Variants in DIAPH2 observed in about 807,000 individuals in gnomAD.
The protein encoded by DIAPH2 is diaphanous related formin 2.
Under a neutral mutation model 92.7 loss-of-function variants are expected in DIAPH2, and 35 were observed. That is an observed-to-expected ratio of 0.38 (90% CI 0.29 to 0.50). The LOEUF is 0.50. Ranked by LOEUF, DIAPH2 falls within the 20% of genes least tolerant of loss-of-function variation. The pLI, the probability that DIAPH2 is intolerant of heterozygous loss-of-function variation, is 0.94. For synonymous variants in DIAPH2, 301 were observed against 280.4 expected, an observed-to-expected ratio of 1.07 and a Z score of -0.73; for missense variants, 701 against 819.5, an observed-to-expected ratio of 0.86 and a Z score of 1.77.
intron 17 of DIAPH2, among the ~76,000 whole-genome samples, chrX:97,009,967 C>T (rs1305496266): frequency 1.8e-5 from 2 of 111,791 alleles, no homozygotes; most frequent in Admixed American, 9.5e-5. Flanking sequence ...TATATGCCCC[C>T]AACCAAGTCC....
chrX:96,822,253 AAAT>A (rs774808456), intron 4 of DIAPH2, among the ~76,000 whole-genome samples: 130 of 111,906 alleles, frequency 1.2e-3, no homozygotes, highest in African/African-American at 4.0e-3. Context: ...AAAAATATGA[AAAT>A]AATTATTATG....
chrX:97,251,642 C>T lies in DIAPH2; in HGVS notation c.2844+3803C>T, dbSNP rs758778034. 2.2e-3 allele frequency among the ~76,000 whole-genome samples: 242 copies of T among 111,534 alleles called. 1 individual carries two copies. Among genetic ancestry groups the T allele is most frequent in the Non-Finnish European group, 1.8e-3 (94 of 53,080 alleles). ...TTCACCATGTTAGCCAGGCTGGTCTCGAACTCCTGACCTCAGGTGACCAGC... is the reference window on the plus strand; with the variant it reads ...TTCACCATGTTAGCCAGGCTGGTCTTGAACTCCTGACCTCAGGTGACCAGC... On this transcript the variant is annotated intron_variant, in intron 23 of 26. Coordinates refer to ENST00000324765, the MANE Select transcript of DIAPH2 (RefSeq NM_006729.5).
intron 21 of DIAPH2, among the ~76,000 whole-genome samples, chrX:97,137,734 A>G (rs909308271): frequency 9.0e-6 from 1 of 111,308 alleles, no homozygotes; most frequent in Admixed American, 9.6e-5. Flanking sequence ...GGCAGACAGC[A>G]GCAGGAGGCA....
intron 26 of DIAPH2, chrX:97,469,788 A>AT: frequency 8.4e-7 from 1 of 1,186,273 alleles, no homozygotes; most frequent in South Asian, 1.9e-5. Context: ...ATGGTACAAC[A>AT]TGACTTTTTA....
chrX:97,143,033 A>G lies in DIAPH2; in HGVS notation c.2719+1239A>G, dbSNP rs1230207447. On this transcript the variant is annotated intron_variant, in intron 22 of 26. Transcript: ENST00000324765. ...CCGAGTTTGTATCGTTTTGTGGTCCAAGGAGCAAACTAACACAAAAAGACA... is the reference window on the plus strand; with the variant it reads ...CCGAGTTTGTATCGTTTTGTGGTCCGAGGAGCAAACTAACACAAAAAGACA... Among the ~76,000 whole-genome samples, 5 of 111,661 alleles carry G rather than the reference A, an allele frequency of 4.5e-5. No individual in the cohort carries two copies. In the Admixed American group the frequency reaches 4.8e-4, roughly 11 times the overall value.
At chrX:97,010,077 T>C (rs2066213786) in intron 17 of DIAPH2, among the ~76,000 whole-genome samples, 1 of 112,265 alleles carries the variant, frequency 8.9e-6, no homozygotes, top group Non-Finnish European at 1.9e-5. Context: ...CAGAACACTT[T>C]AGCCTGTGGT....
In DIAPH2 at chrX:96,937,322, C is replaced by G. The variant is rs751346588; in HGVS notation, c.1179C>G (p.His393Gln). 5 of 1,145,802 alleles carry G rather than the reference C, an allele frequency of 4.4e-6. No homozygotes were observed. The African/African-American group carries it at 8.9e-5, about 20-fold the overall frequency. The allele number at this position is 1,145,802 out of a possible 1,213,427, so 94.4% of individuals were successfully genotyped here. A position where few individuals can be genotyped will look rare whatever the true frequency, so the allele number is the denominator to read the frequency against. Residue 393 changes from histidine to glutamine, a missense_variant, in exon 11 of 27, where the codon CAC becomes CAG. His to Gln is a conservative substitution (Grantham distance 24). Transcript: ENST00000324765. ...NKEDDLTELS[H>Q]RLNDIRAEMD... ...AAGATGACCTAACTGAATTATCACA[C>G]CGTCTCAATGACATTCGAGCAGAAA... is the stretch of plus-strand genomic sequence containing the variant.
intron 22 of DIAPH2, among the ~76,000 whole-genome samples, chrX:97,209,557 G>A (rs910848488): frequency 9.0e-6 from 1 of 110,749 alleles, no homozygotes. Context: ...TATGTCCTTC[G>A]TCTATTGATT....
chrX:96,956,801 G>A (rs2065813350), intron 15 of DIAPH2, among the ~76,000 whole-genome samples: 1 of 111,807 alleles, frequency 8.9e-6, no homozygotes, highest in South Asian at 3.8e-4. Context: ...AAGTCTCTAG[G>A]AAGTTCCAAA....
At chrX:96,687,119 C>G (rs1176895941) in intron 1 of DIAPH2, among the ~76,000 whole-genome samples, 1 of 111,591 alleles carries the variant, frequency 9.0e-6, no homozygotes, top group Non-Finnish European at 1.9e-5. Context: ...CATCCATTAC[C>G]TATAGAAGAG....
intron 26 of DIAPH2, among the ~76,000 whole-genome samples, chrX:97,489,592 G>A (rs755409725): frequency 9.0e-6 from 1 of 110,738 alleles, no homozygotes; most frequent in East Asian, 2.8e-4. Context: ...GGCCTTAATT[G>A]TGTTGAGGTA....
chrX:96,751,581 A>AAAT (rs545942235), intron 3 of DIAPH2, among the ~76,000 whole-genome samples: 5,739 of 98,125 alleles, frequency 0.058, 255 homozygotes, highest in East Asian at 0.2. Flanking sequence ...GTCTCAAAAA[A>AAAT]AATAATAATA....
At chrX:97,523,798 A>C (rs748902771) in intron 26 of DIAPH2, among the ~76,000 whole-genome samples, 32 of 111,555 alleles carry the variant, frequency 2.9e-4, no homozygotes, top group Non-Finnish European at 5.1e-4. Flanking sequence ...GCTACTTAAA[A>C]CTGTTGTAAG....
intron 26 of DIAPH2, among the ~76,000 whole-genome samples, chrX:97,545,814 A>T (rs2071177237): frequency 9.2e-6 from 1 of 108,618 alleles, no homozygotes; most frequent in African/African-American, 3.4e-5. Context: ...GGAATATTTG[A>T]ATACCCTCTC....
intron 17 of DIAPH2, among the ~76,000 whole-genome samples, chrX:97,005,771 C>T (rs1422906988): frequency 9.0e-6 from 1 of 111,164 alleles, no homozygotes; most frequent in African/African-American, 3.3e-5. Context: ...GATCTCCTGA[C>T]CTTGTGATCC....
intron 9 of DIAPH2, among the ~76,000 whole-genome samples, chrX:96,920,123 C>T (rs1028137255): frequency 9.0e-5 from 10 of 110,651 alleles, no homozygotes; most frequent in South Asian, 3.8e-4. Context: ...TCAGGTCATC[C>T]GCCCACTTTG....
At chrX:97,371,178 A>G (rs147047997) in intron 24 of DIAPH2, among the ~76,000 whole-genome samples, 218 of 111,512 alleles carry the variant, frequency 2.0e-3, no homozygotes, top group African/African-American at 7.0e-3. Context: ...CCTAAACATT[A>G]TTAAATGTAG....
In DIAPH2 at chrX:96,960,005, T is replaced by C. The variant is rs745484908; in HGVS notation, c.1935+1857T>C. On this transcript the variant is annotated intron_variant, in intron 16 of 26. Coordinates refer to ENST00000324765, the MANE Select transcript of DIAPH2 (RefSeq NM_006729.5). ...CTCTTTTTACATTAGTACCATGCTG[T>C]TTTGACTACTATAGCCTTGTAGTAT... is the stretch of plus-strand genomic sequence containing the variant. Among the ~76,000 whole-genome samples, 49 of 111,682 alleles carry C rather than the reference T, an allele frequency of 4.4e-4. 1 individual carries two copies. Among genetic ancestry groups the C allele is most frequent in the African/African-American group, 1.5e-3 (47 of 30,806 alleles).
At chrX:97,410,677 C>T (rs1006872162) in intron 25 of DIAPH2, among the ~76,000 whole-genome samples, 5 of 111,515 alleles carry the variant, frequency 4.5e-5, no homozygotes, top group African/African-American at 9.8e-5. Flanking sequence ...GAAGATTAGA[C>T]GAATGGCTAA....
Sources: allele counts gnomAD v4.1 joint callset (sites outside exome capture counted in the v4.1 genomes callset), GRCh38; gene constraint gnomAD v4.1.1; transcripts MANE v1.5; gene names NCBI Gene and HGNC (gene_info 2026-07-23, HGNC 2026-07-21).